BIVM: variants seen among roughly 807,000 people sequenced by gnomAD.
The protein encoded by BIVM is basic, immunoglobulin-like variable motif containing, also known as basic immunoglobulin-like variable motif-containing protein.
A neutral mutation model predicts 61.4 loss-of-function variants in BIVM; 31 were observed. That is an observed-to-expected ratio of 0.51 (90% CI 0.38 to 0.68). The LOEUF (loss-of-function observed/expected upper bound fraction) is 0.68, where lower values mean the gene tolerates loss of function less well. Ranked by LOEUF, BIVM falls within the 30% of genes least tolerant of loss-of-function variation. The pLI is 0.00. For synonymous variants in BIVM, 189 were observed against 210.7 expected (o/e 0.90, Z 0.89); for missense variants, 526 against 596.0 (o/e 0.88, Z 1.22).
At chr13:102,812,398 T>G (rs922714388) in intron 3 of BIVM, among the ~76,000 whole-genome samples, 3 of 152,220 alleles carry the variant, frequency 2.0e-5, no homozygotes, top group Admixed American at 6.5e-5. Context: ...TTTCTTTGAA[T>G]GGGCCTTATT....
Position 102,807,178 on chromosome 13 carries a change from C to T in BIVM, c.-90C>T, listed in dbSNP as rs1879161883. On this transcript the variant is annotated 5_prime_UTR_variant, in exon 3 of 11. Coordinates refer to ENST00000257336, the MANE Select transcript of BIVM (RefSeq NM_017693.4). The surrounding 1 kb of genome is among the most constrained non-coding windows in gnomAD (Gnocchi z 4.0). ...TTTTGCAGCTCTCAAGCTTTTATAGCATGCTGTAAACAATTGTCAAAGTTG... is the reference window on the plus strand; with the variant it reads ...TTTTGCAGCTCTCAAGCTTTTATAGTATGCTGTAAACAATTGTCAAAGTTG... The T allele has an allele frequency of 1.5e-6, 2 of 1,366,928 alleles. No individual in the cohort carries two copies. Among genetic ancestry groups the T allele is most frequent in the East Asian group, 4.7e-5 (2 of 42,878 alleles). 84.7% of individuals were successfully genotyped at this position (1,366,928 alleles called of 1,614,324 possible).
chr13:102,813,183 A>G (rs542041334), intron 3 of BIVM, among the ~76,000 whole-genome samples: 7 of 152,214 alleles, frequency 4.6e-5, no homozygotes, highest in Non-Finnish European at 1.0e-4. Context: ...CCTACACTGC[A>G]CTTAATTCTG....
intron 7 of BIVM, among the ~76,000 whole-genome samples, chr13:102,822,434 C>T (rs1312400665): frequency 2.0e-5 from 3 of 152,052 alleles, no homozygotes; most frequent in East Asian, 3.8e-4. Flanking sequence ...TGTTTGGGTC[C>T]GTGGTGTGTG....
At position 102,840,002 on chromosome 13, in the gene BIVM, TC is replaced by T; in HGVS notation, c.*139del. 1.1e-6 allele frequency: 1 copy of T among 888,450 alleles called. No homozygotes were observed. The highest frequency in any genetic ancestry group is 1.7e-6 in the Non-Finnish European group (1 of 590,818). 55.0% of individuals were successfully genotyped at this position (888,450 alleles called of 1,614,324 possible). ...GGTATAAAAAATAACCTTGTAGTTC[TC>T]CAGATACTAAGCTTGTATATGATTA... On this transcript the variant is annotated 3_prime_UTR_variant, in exon 11 of 11. Transcript: ENST00000257336.
chr13:102,801,717 A>C (rs1258973841), intron 1 of BIVM: 2 of 152,298 alleles, frequency 1.3e-5, no homozygotes, highest in Non-Finnish European at 2.9e-5. Flanking sequence ...AATCTGGAAA[A>C]CCAGACTTGC....
chr13:102,832,782 G>A (rs1881181455), intron 8 of BIVM, among the ~76,000 whole-genome samples: 2 of 151,928 alleles, frequency 1.3e-5, no homozygotes, highest in African/African-American at 4.8e-5. Flanking sequence ...TTTCTTTTTT[G>A]CCTAATCTAG....
At chr13:102,809,164 A>C (rs968879393) in intron 3 of BIVM, among the ~76,000 whole-genome samples, 1 of 152,194 alleles carries the variant, frequency 6.6e-6, no homozygotes, top group African/African-American at 2.4e-5. Flanking sequence ...GAATACTCCA[A>C]ATTGCTAAGT....
intron 9 of BIVM, among the ~76,000 whole-genome samples, chr13:102,836,815 A>G (rs1881507457): frequency 6.6e-6 from 1 of 152,176 alleles, no homozygotes; most frequent in South Asian, 2.1e-4. Context: ...TACCGATGCC[A>G]CACTCTCAAT....
At chr13:102,827,275 C>T (rs200061592) in intron 7 of BIVM, among the ~76,000 whole-genome samples, 2 of 139,362 alleles carry the variant, frequency 1.4e-5, no homozygotes, top group African/African-American at 2.6e-5. Context: ...GTCCCAATGA[C>T]TTTTTTTTTT....
chr13:102,811,484 T>C (rs1419006334), intron 3 of BIVM, among the ~76,000 whole-genome samples: 1 of 152,230 alleles, frequency 6.6e-6, no homozygotes, highest in African/African-American at 2.4e-5. Context: ...ATGAGTTGCT[T>C]CTCTTGTGTT....
chr13:102,818,275 T>C (rs765326001), intron 4 of BIVM, among the ~76,000 whole-genome samples: 1 of 152,206 alleles, frequency 6.6e-6, no homozygotes, highest in Non-Finnish European at 1.5e-5. Flanking sequence ...GATCTTGTAT[T>C]GAAGCTGAAG....
intron 7 of BIVM, among the ~76,000 whole-genome samples, chr13:102,829,259 C>T (rs1880889126): frequency 6.6e-6 from 1 of 152,128 alleles, no homozygotes; most frequent in African/African-American, 2.4e-5. Flanking sequence ...AAGTAAGAAA[C>T]ATAATCTCAA....
chr13:102,829,053 G>A (rs2140489363), intron 7 of BIVM, among the ~76,000 whole-genome samples: 1 of 151,712 alleles, frequency 6.6e-6, no homozygotes, highest in African/African-American at 2.4e-5. Context: ...AGGGGAATAA[G>A]GACCTTGCAG....
At chr13:102,823,803 C>G (rs56314598) in intron 7 of BIVM, among the ~76,000 whole-genome samples, 54,405 of 151,936 alleles carry the variant, frequency 0.36, 10,089 homozygotes, top group African/African-American at 0.46. Flanking sequence ...TTTTAAAAAT[C>G]TGCTTTTAAA....
intron 7 of BIVM, among the ~76,000 whole-genome samples, chr13:102,823,167 C>T (rs1235768223): frequency 6.6e-6 from 1 of 152,166 alleles, no homozygotes; most frequent in Non-Finnish European, 1.5e-5. Context: ...GTCTAAGGTC[C>T]AGGCCTGTTT....
At chr13:102,803,158 TAAA>T (rs35545376) in intron 1 of BIVM, among the ~76,000 whole-genome samples, 2 of 126,342 alleles carry the variant, frequency 1.6e-5, no homozygotes, top group Non-Finnish European at 3.4e-5. Flanking sequence ...CCCTGTTTCT[TAAA>T]AAAAAAAAAA....
At chr13:102,804,740 A>G (rs1361791571) in intron 1 of BIVM, among the ~76,000 whole-genome samples, 1 of 152,210 alleles carries the variant, frequency 6.6e-6, no homozygotes, top group African/African-American at 2.4e-5. Context: ...GATTACAGGC[A>G]TGAGCCACCA....
At chr13:102,823,669 G>T (rs1026740169) in intron 7 of BIVM, among the ~76,000 whole-genome samples, 18 of 152,148 alleles carry the variant, frequency 1.2e-4, no homozygotes, top group Non-Finnish European at 2.2e-4. Flanking sequence ...AACTAAGAAA[G>T]GATATATTAT....
At chr13:102,814,931 G>A (rs1879759547) in intron 3 of BIVM, among the ~76,000 whole-genome samples, 1 of 151,978 alleles carries the variant, frequency 6.6e-6, no homozygotes, top group African/African-American at 2.4e-5. Flanking sequence ...GTGGTCCCAG[G>A]TACTCCTGAG....
Sources: gnomAD v4.1 joint callset for allele counts (sites outside exome capture counted in the v4.1 genomes callset) on GRCh38, gnomAD v4.1.1 for gene constraint, Gnocchi (gnomAD v3.1) non-coding constraint, MANE v1.5 for transcripts, NCBI Gene and HGNC (gene_info 2026-07-23, HGNC 2026-07-21) for gene names.